The following SHISA2 variants were observed in gnomAD, a reference collection of about 807,000 sequenced individuals.
The protein encoded by SHISA2 is shisa family member 2, also known as protein shisa-2 homolog.
In SHISA2, 16 loss-of-function variants were observed where a neutral mutation model predicts 23.8. The observed-to-expected ratio is 0.67, with a 90% confidence interval of 0.46 to 1.02. The LOEUF (loss-of-function observed/expected upper bound fraction) is 1.02. SHISA2 is among the 50% of genes least tolerant of loss of function. SHISA2 has a pLI of 0.00. For missense variants in SHISA2, 459 were observed against 420.1 expected, an observed-to-expected ratio of 1.09 and a Z score of -0.81; for synonymous variants, 201 against 178.6, an observed-to-expected ratio of 1.13 and a Z score of -1.00.
chr13:26,049,361 T>C (rs1281112764), intron 1 of SHISA2, among the ~76,000 whole-genome samples: 2 of 152,198 alleles, frequency 1.3e-5, no homozygotes, highest in Non-Finnish European at 2.9e-5. Flanking sequence ...AAGGCATCCA[T>C]GCACAACACA....
rs1187535333 is a variant in SHISA2, at chr13:26,050,676, G to C, written c.300C>G (p.Gly100=). ...NDRQQGAGEP[G]RADKDGPDGS... is the part of the protein sequence containing the mutation. ...CGTCGGGGCCGTCTTTGTCCGCCCG[G>C]CCAGGCTCGCCAGCGCCCTGCTGGC... The change falls in exon 1 of 2, where the codon GGC becomes GGG. Residue 100 remains glycine (G), a synonymous_variant. Transcript: ENST00000319420. The C allele has an allele frequency of 6.9e-7, 1 of 1,455,016 alleles. No individual in the cohort carries two copies. Among genetic ancestry groups the C allele is most frequent in the Non-Finnish European group, 9.0e-7 (1 of 1,112,018 alleles). The allele number at this position is 1,455,016 out of a possible 1,614,324, so 90.1% of individuals were successfully genotyped here.
intron 1 of SHISA2, among the ~76,000 whole-genome samples, chr13:26,048,173 C>T (rs1266605245): frequency 1.3e-5 from 2 of 151,948 alleles, no homozygotes; most frequent in East Asian, 1.9e-4. Flanking sequence ...TGTGGTGACG[C>T]GCACCTATAA....
intron 1 of SHISA2, among the ~76,000 whole-genome samples, chr13:26,048,640 G>A (rs1957281315): frequency 6.6e-6 from 1 of 152,186 alleles, no homozygotes. Flanking sequence ...CGCCTTTGAG[G>A]TCAGCTCTAT....
chr13:26,050,964 A>G lies in SHISA2; in HGVS notation c.12T>C (p.Ala4=). 1 of 1,510,920 alleles carries G rather than the reference A, an allele frequency of 6.6e-7. No homozygotes were observed. Among genetic ancestry groups the G allele is most frequent in the East Asian group, 2.7e-5 (1 of 37,546 alleles). 93.6% of individuals were successfully genotyped at this position (1,510,920 alleles called of 1,614,324 possible). A position where few individuals can be genotyped will look rare whatever the true frequency, so the allele number is the denominator to read the frequency against. MWG[A]RRSSVSSSWN... The stretch of plus-strand genomic sequence containing the variant: ...AGGATGAGGAGACGGACGAGCGGCG[A>G]GCGCCCCACATGGCACCACCCTGGG... The change falls in exon 1 of 2, where the codon GCT becomes GCC. Residue 4 remains alanine, a synonymous_variant. Coordinates refer to ENST00000319420, the MANE Select transcript of SHISA2 (RefSeq NM_001007538.2).
rs201323575 is a variant in SHISA2, at chr13:26,050,968, C to T, written c.8G>A (p.Gly3Asp). Residue 3 changes from glycine to aspartate, a missense_variant, in exon 1 of 2, where the codon GGC (glycine) becomes GAC (aspartate). Transcript: ENST00000319420. MW[G>D]ARRSSVSSSW... Reference sequence around the variant, plus strand: ...TGAGGAGACGGACGAGCGGCGAGCGCCCCACATGGCACCACCCTGGGCGCG... The same window carrying T: ...TGAGGAGACGGACGAGCGGCGAGCGTCCCACATGGCACCACCCTGGGCGCG... The T allele has an allele frequency of 6.6e-7, 1 of 1,508,300 alleles. No individual in the cohort carries two copies. The highest frequency in any genetic ancestry group is 2.0e-5 in the Admixed American group (1 of 48,984). The allele number at this position is 1,508,300 out of a possible 1,614,324, so 93.4% of individuals were successfully genotyped here. A position where few individuals can be genotyped will look rare whatever the true frequency, so the allele number is the denominator to read the frequency against.
rs746308107 is a variant in SHISA2, at chr13:26,047,031, C to T, written c.370G>A (p.Val124Met). ...CCCAAGATGATAAAGGCGACAAACA[C>T]GGAGCCAACAATGAGGAACGGCACG... Reference protein sequence around the residue: ...IYVPFLIVGSVFVAFIILGSL... With the variant: ...IYVPFLIVGSMFVAFIILGSL... Residue 124 changes from valine to methionine, a missense_variant, in exon 2 of 2, where the codon GTG (valine) becomes ATG (methionine). Physicochemically the swap from Val to Met is conservative, Grantham distance 21 (BLOSUM62 1). Transcript: ENST00000319420. The T allele has an allele frequency of 6.8e-5, 107 of 1,564,768 alleles. No homozygotes were observed. The highest frequency in any genetic ancestry group is 8.6e-5 in the Non-Finnish European group (99 of 1,154,640).
In SHISA2 at chr13:26,046,456, A is replaced by G; in HGVS notation, c.*57T>C. ...CCGACATGTGCGGACTTCCACCTCG[A>G]GAATCCACCCCTGCCTTCGTCTCCC... On this transcript the variant is annotated 3_prime_UTR_variant, in exon 2 of 2. Coordinates refer to ENST00000319420, the MANE Select transcript of SHISA2 (RefSeq NM_001007538.2). 1.3e-6 allele frequency: 2 copies of G among 1,523,070 alleles called. No homozygotes were observed. Among genetic ancestry groups the G allele is most frequent in the South Asian group, 1.3e-5 (1 of 77,560 alleles). 94.3% of individuals were successfully genotyped at this position (1,523,070 alleles called of 1,614,324 possible).
Position 26,045,355 on chromosome 13 carries a change from G to A in SHISA2, c.*1158C>T, listed in dbSNP as rs766850779. The A allele has an allele frequency of 6.6e-6, 1 of 152,078 alleles. No individual in the cohort carries two copies. Among genetic ancestry groups the A allele is most frequent in the Non-Finnish European group, 1.5e-5 (1 of 68,018 alleles). The allele number at this position is 152,078 out of a possible 1,614,324, so 9.4% of individuals were successfully genotyped here. A position where few individuals can be genotyped will look rare whatever the true frequency, so the allele number is the denominator to read the frequency against. On this transcript the variant is annotated 3_prime_UTR_variant, in exon 2 of 2. Transcript: ENST00000319420. ...ATTAAAAGTAACTCAGAGAAGCAGC[G>A]GGTGATAGTTTATGATTTCAATATA...
In SHISA2 at chr13:26,050,968, C is replaced by A. The variant is rs201323575; in HGVS notation, c.8G>T (p.Gly3Val). Residue 3 changes from glycine to valine, a missense_variant, in exon 1 of 2, where the codon GGC becomes GTC. Physicochemically the swap from Gly to Val is moderately radical, Grantham distance 109. Transcript: ENST00000319420. ...TGAGGAGACGGACGAGCGGCGAGCG[C>A]CCCACATGGCACCACCCTGGGCGCG... is the stretch of plus-strand genomic sequence containing the variant. Reference protein sequence around the residue: MWGARRSSVSSSW... With the variant: MWVARRSSVSSSW... The A allele has an allele frequency of 1.3e-6, 2 of 1,508,180 alleles. No homozygotes were observed. The highest frequency in any genetic ancestry group is 1.4e-5 in the African/African-American group (1 of 69,272). The allele number at this position is 1,508,180 out of a possible 1,614,324, so 93.4% of individuals were successfully genotyped here. A position where few individuals can be genotyped will look rare whatever the true frequency, so the allele number is the denominator to read the frequency against.
intron 1 of SHISA2, 149 bp downstream of exon 1, chr13:26,050,493 C>T: frequency 1.3e-6 from 1 of 791,164 alleles, no homozygotes; most frequent in Non-Finnish European, 1.8e-6. Context: ...AATTAGGGAC[C>T]CACACCGACC....
chr13:26,051,170 G>C lies in SHISA2; in HGVS notation c.-195C>G. The C allele has an allele frequency of 1.9e-6, 1 of 536,938 alleles. No individual in the cohort carries two copies. The highest frequency in any genetic ancestry group is 3.2e-6 in the Non-Finnish European group (1 of 312,964). The allele number at this position is 536,938 out of a possible 1,614,324, so 33.3% of individuals were successfully genotyped here. A position where few individuals can be genotyped will look rare whatever the true frequency, so the allele number is the denominator to read the frequency against. On this transcript the variant is annotated 5_prime_UTR_variant, in exon 1 of 2. Transcript: ENST00000319420. ...GTCCAGGAGCTCCTAAGCCATCCCCGTCCTCAGCCGGTGGCCCGGTCCCCT... is the reference window on the plus strand; with the variant it reads ...GTCCAGGAGCTCCTAAGCCATCCCCCTCCTCAGCCGGTGGCCCGGTCCCCT...
At chr13:26,050,299 G>A (rs949457723) in intron 1 of SHISA2, among the ~76,000 whole-genome samples, 69 of 152,298 alleles carry the variant, frequency 4.5e-4, no homozygotes, top group Non-Finnish European at 1.6e-4. Flanking sequence ...GTCTCCTTGG[G>A]TACCCCTAAG....
rs754735187 is a variant in SHISA2 at position 26,046,573 on chromosome 13, A to C, written c.828T>G (p.Ile276Met). The part of the protein sequence containing the change: ...MDGLQPGYRQ[I>M]QSPFPHTNSE... ...TGTTGGTGTGAGGGAAGGGGGACTG[A>C]ATCTGCCTGTAGCCAGGCTGCAGGC... is the stretch of plus-strand genomic sequence containing the variant. The change falls in exon 2 of 2, where the codon ATT (isoleucine) becomes ATG (methionine). Residue 276 changes from isoleucine to methionine, a missense_variant. Transcript: ENST00000319420. The C allele has an allele frequency of 6.2e-7, 1 of 1,613,896 alleles. No individual in the cohort carries two copies. The highest frequency in any genetic ancestry group is 8.5e-7 in the Non-Finnish European group (1 of 1,179,986).
rs980750730 is a variant in SHISA2, at chr13:26,050,631, G to A, written c.334+11C>T. On this transcript the variant is annotated intron_variant, in intron 1 of 1. Coordinates refer to ENST00000319420, the MANE Select transcript of SHISA2 (RefSeq NM_001007538.2). ...CGTCCTCCCTTTCGCGCTGGGCGCA[G>A]GCCGCCCTACCTGCCGAGCCGTCGG... is the stretch of plus-strand genomic sequence containing the variant. 20 of 1,390,796 alleles carry A rather than the reference G, an allele frequency of 1.4e-5. No individual in the cohort carries two copies. Among genetic ancestry groups the A allele is most frequent in the Admixed American group, 3.6e-5 (1 of 27,748 alleles). The allele number at this position is 1,390,796 out of a possible 1,614,324, so 86.2% of individuals were successfully genotyped here.
In SHISA2 at chr13:26,046,911, T is replaced by C; in HGVS notation, c.490A>G (p.Ile164Val). Residue 164 changes from isoleucine to valine, a missense_variant, in exon 2 of 2, where the codon ATC (isoleucine) becomes GTC (valine). Transcript: ENST00000319420. The stretch of plus-strand genomic sequence containing the variant: ...GTGCTGGCACTGGGGATCATGGGGA[T>C]GGTCTCCATCAAGCGGTTACCCCCT... ...APGGNRLMET[I>V]PMIPSASTSR... 6.2e-7 allele frequency: 1 copy of C among 1,613,402 alleles called. No individual in the cohort carries two copies. The highest frequency in any genetic ancestry group is 8.5e-7 in the Non-Finnish European group (1 of 1,179,732).
chr13:26,050,546 C>T (rs968470474), intron 1 of SHISA2, 96 bp downstream of exon 1: 5 of 1,230,994 alleles, frequency 4.1e-6, no homozygotes, highest in Middle Eastern at 5.8e-4. Flanking sequence ...TGGTCCTAGG[C>T]CCTTTCCTGA....
rs1323922410 is a variant in SHISA2, at chr13:26,045,053, CAA to C, written c.*1458_*1459del. The C allele has an allele frequency of 6.6e-6, 1 of 152,144 alleles. No individual in the cohort carries two copies. The highest frequency in any genetic ancestry group is 1.9e-4 in the East Asian group (1 of 5,194). The allele number at this position is 152,144 out of a possible 1,614,324, so 9.4% of individuals were successfully genotyped here. On this transcript the variant is annotated 3_prime_UTR_variant, in exon 2 of 2. Transcript: ENST00000319420. ...CCTGAAAAATAAGCCATTTTGATAA[CAA>C]GAGTATAAAAAGCCTTATGATCTGC...
intron 1 of SHISA2, among the ~76,000 whole-genome samples, chr13:26,048,094 G>A (rs1284430168): frequency 6.6e-6 from 1 of 152,160 alleles, no homozygotes; most frequent in Admixed American, 6.5e-5. Flanking sequence ...CCTGAGCTCA[G>A]GACTTCAAGA....
chr13:26,048,799 A>G (rs923586564), intron 1 of SHISA2, among the ~76,000 whole-genome samples: 4 of 152,238 alleles, frequency 2.6e-5, no homozygotes, highest in African/African-American at 9.6e-5. Context: ...ACAATACTTT[A>G]TAGGTATTTA....
Sources: gnomAD v4.1 joint callset for allele counts (sites outside exome capture counted in the v4.1 genomes callset) on GRCh38, gnomAD v4.1.1 for gene constraint, MANE v1.5 for transcripts, NCBI Gene and HGNC (gene_info 2026-07-23, HGNC 2026-07-21) for gene names.